The following UBR3 variants were observed in gnomAD, a reference collection of about 807,000 sequenced individuals.
The protein encoded by UBR3 is ubiquitin protein ligase E3 component n-recognin 3.
A neutral mutation model predicts 243.2 loss-of-function variants in UBR3; 85 were observed. That is an observed-to-expected ratio of 0.35 (90% CI 0.29 to 0.42). The LOEUF (loss-of-function observed/expected upper bound fraction) is 0.42. UBR3 is among the 10% of genes least tolerant of loss of function. The pLI is 1.00. For synonymous variants in UBR3, 748 were observed against 799.8 expected (o/e 0.94, Z 1.09); for missense variants, 1,686 against 2,300.8 (o/e 0.73, Z 5.47).
intron 24 of UBR3, among the ~76,000 whole-genome samples, chr2:169,968,129 A>G (rs1026918409): frequency 8.5e-5 from 13 of 152,170 alleles, no homozygotes; most frequent in African/African-American, 2.4e-5. Context: ...TGATATTTTG[A>G]TACATGAATA....
chr2:170,026,679 G>C (rs182193581), intron 30 of UBR3, among the ~76,000 whole-genome samples: 116 of 152,160 alleles, frequency 7.6e-4, no homozygotes, highest in African/African-American at 2.6e-3. Flanking sequence ...TATATATGTG[G>C]ACCAAACTTT....
At chr2:169,985,224 C>CTTTTTTTTT (rs71006060) in intron 24 of UBR3, among the ~76,000 whole-genome samples, 3 of 113,122 alleles carry the variant, frequency 2.7e-5, no homozygotes, top group Non-Finnish European at 3.6e-5. Flanking sequence ...CAACTCTTTT[C>CTTTTTTTTT]TTTTTTTTTT....
rs72876441 is a variant in UBR3, at chr2:170,053,780, A to G, written c.4661-1680A>G. ...TGTCAAGAATATCTGCAAGTTTTTG[A>G]CTCCAGCAACTGATTAAATGGTAGT... On this transcript the variant is annotated intron_variant, in intron 32 of 38. Coordinates refer to ENST00000272793, the MANE Select transcript of UBR3 (RefSeq NM_172070.4). Among the ~76,000 whole-genome samples, 377 of 152,292 alleles carry G rather than the reference A, an allele frequency of 2.5e-3. 2 individuals are homozygous for G. Among genetic ancestry groups the G allele is most frequent in the Non-Finnish European group, 4.1e-3 (277 of 68,026 alleles).
At chr2:169,890,502 A>C (rs2084286225) in intron 5 of UBR3, among the ~76,000 whole-genome samples, 1 of 122,884 alleles carries the variant, frequency 8.1e-6, no homozygotes, top group Non-Finnish European at 1.6e-5. Flanking sequence ...AAGCCTTGTT[A>C]TTTTTAGTGC....
chr2:169,983,886 A>G (rs943996352), intron 24 of UBR3, among the ~76,000 whole-genome samples: 6 of 152,226 alleles, frequency 3.9e-5, no homozygotes, highest in African/African-American at 1.4e-4. Context: ...TAAAAGGGCA[A>G]ATGTGAATTT....
Position 169,875,910 on chromosome 2 carries a change from G to A in UBR3, c.805G>A (p.Val269Ile), listed in dbSNP as rs372099684. The change falls in exon 3 of 39, where the codon GTT becomes ATT. Residue 269 changes from valine to isoleucine, a missense_variant. This residue lies in a region of UBR3 where 200 missense variants were observed against 231.6 expected (regional missense o/e 0.86). Coordinates refer to ENST00000272793, the MANE Select transcript of UBR3 (RefSeq NM_172070.4). ...GGAMRSVLTQ[V>I]LTNQQNYKDL... The stretch of plus-strand genomic sequence containing the variant: ...AGCAATGCGGTCTGTTCTTACTCAG[G>A]TTTTGACAAACCAACAAAACTACAA... 2.0e-5 allele frequency: 30 copies of A among 1,538,032 alleles called. No individual in the cohort carries two copies. In the East Asian group the frequency reaches 7.2e-4, roughly 37 times the overall value.
intron 19 of UBR3, among the ~76,000 whole-genome samples, chr2:169,942,093 G>T (rs566435600): frequency 1.3e-5 from 2 of 152,048 alleles, no homozygotes; most frequent in Admixed American, 6.6e-5. Flanking sequence ...GCTCAAATAC[G>T]CATTCAAAAG....
intron 1 of UBR3, among the ~76,000 whole-genome samples, chr2:169,857,937 T>C (rs949912771): frequency 6.6e-6 from 1 of 152,148 alleles, no homozygotes; most frequent in Non-Finnish European, 1.5e-5. Context: ...TTGAGACATA[T>C]TTTATGACCA....
chr2:170,025,746 C>T (rs1356446225), intron 30 of UBR3, among the ~76,000 whole-genome samples: 1 of 152,114 alleles, frequency 6.6e-6, no homozygotes, highest in Non-Finnish European at 1.5e-5. Flanking sequence ...AGAGGCAGAA[C>T]CAATGGGATT....
rs6741614 is a variant in UBR3 at position 170,055,440 on chromosome 2, T to C, written c.4661-20T>C. 286,648 of 1,603,998 alleles carry C rather than the reference T, an allele frequency of 0.18. 28,275 individuals carry two copies. Among genetic ancestry groups the C allele is most frequent in the East Asian group, 0.35 (15,611 of 44,670 alleles). ...AAATATCTAGATTCCAAAGAAATAATGATTTTTTTTCTCTTGCAGACCACT... is the reference window on the plus strand; with the variant it reads ...AAATATCTAGATTCCAAAGAAATAACGATTTTTTTTCTCTTGCAGACCACT... On this transcript the variant is annotated intron_variant, in intron 32 of 38. Transcript: ENST00000272793.
intron 33 of UBR3, among the ~76,000 whole-genome samples, chr2:170,057,411 G>A (rs1178332289): frequency 1.3e-5 from 2 of 152,076 alleles, no homozygotes; most frequent in African/African-American, 4.8e-5. Context: ...GAGCCACCTT[G>A]CCTGGCCTAT....
chr2:169,858,476 C>T (rs764260111), intron 1 of UBR3, among the ~76,000 whole-genome samples: 5 of 152,082 alleles, frequency 3.3e-5, no homozygotes, highest in Non-Finnish European at 5.9e-5. Flanking sequence ...TGCCACCACA[C>T]GGGCTTGAAA....
chr2:169,964,442 C>T (rs779842337), intron 24 of UBR3: 1 of 470,006 alleles, frequency 2.1e-6, no homozygotes, highest in Non-Finnish European at 4.4e-6. Flanking sequence ...GCAACGTACC[C>T]AGAGCAGATT....
rs190373207 is a variant in UBR3 at position 169,849,682 on chromosome 2, T to C, written c.545+21630T>C. ...AGATAGAATTTGGATGGTATATCCC[T>C]CTCTCTAACCAAAATGCAGATTCAG... On this transcript the variant is annotated intron_variant, in intron 1 of 38. Coordinates refer to ENST00000272793, the MANE Select transcript of UBR3 (RefSeq NM_172070.4). 7.3e-3 allele frequency among the ~76,000 whole-genome samples: 1,118 copies of C among 152,342 alleles called. 7 individuals carry two copies. The highest frequency in any genetic ancestry group is 0.011 in the Non-Finnish European group (761 of 68,034).
intron 3 of UBR3, among the ~76,000 whole-genome samples, chr2:169,876,597 G>C (rs2083626771): frequency 7.0e-6 from 1 of 143,044 alleles, no homozygotes; most frequent in Non-Finnish European, 1.6e-5. Flanking sequence ...TTGCTCTGTT[G>C]CCCAGGCTGG....
chr2:169,994,542 G>A (rs2089412257), intron 26 of UBR3, 86 bp downstream of exon 26: 3 of 1,438,468 alleles, frequency 2.1e-6, no homozygotes, highest in African/African-American at 1.4e-5. Context: ...TTACCAAAAT[G>A]GCATTCTGAT....
At position 170,073,540 on chromosome 2, in the gene UBR3, T is replaced by G. The variant is rs781628136; in HGVS notation, c.5132T>G (p.Phe1711Cys). Residue 1711 changes from phenylalanine (F) to cysteine (C), a missense_variant, in exon 36 of 39, where the codon TTT (phenylalanine) becomes TGT (cysteine). Around this residue, in one of 8 missense-constraint regions of UBR3, gnomAD observed 371 missense variants for 422.5 expected, o/e 0.88. Coordinates refer to ENST00000272793, the MANE Select transcript of UBR3 (RefSeq NM_172070.4). Reference protein sequence around the residue: ...ASCLDWPVPAFDIITQWCFEI... With the variant: ...ASCLDWPVPACDIITQWCFEI... ...TGTCTGGATTGGCCAGTTCCAGCAT[T>G]TGATATTATAACTCAGTGGTGTTTT... The G allele has an allele frequency of 2.2e-5, 35 of 1,613,774 alleles. No individual in the cohort carries two copies. Among genetic ancestry groups the G allele is most frequent in the Non-Finnish European group, 2.8e-5 (33 of 1,179,764 alleles).
chr2:169,931,024 A>G (rs895955489), intron 18 of UBR3, among the ~76,000 whole-genome samples: 3 of 152,318 alleles, frequency 2.0e-5, no homozygotes, highest in African/African-American at 4.8e-5. Context: ...AAGCTTTGGC[A>G]TGTTAATTAT....
chr2:169,830,387 C>G (rs1351900134), intron 1 of UBR3, among the ~76,000 whole-genome samples: 1 of 152,142 alleles, frequency 6.6e-6, no homozygotes, highest in Non-Finnish European at 1.5e-5. Context: ...GGACTTTTAT[C>G]TATTTGGTTA....
Sources: allele counts gnomAD v4.1 joint callset (sites outside exome capture counted in the v4.1 genomes callset), GRCh38; gene constraint gnomAD v4.1.1; regional missense constraint gnomAD v4.1.1; transcripts MANE v1.5; gene names NCBI Gene and HGNC (gene_info 2026-07-23, HGNC 2026-07-21).